KIAA0825: variants seen among roughly 807,000 people sequenced by gnomAD.
KIAA0825 encodes KIAA0825.
Under a neutral mutation model 147.6 loss-of-function variants are expected in KIAA0825, and 119 were observed. The ratio of observed to expected loss-of-function variants is 0.81; its 90% CI spans 0.69 to 0.94. The LOEUF is 0.94. Among genes scored for constraint, KIAA0825 ranks in the 40% least tolerant of loss-of-function variants. The probability of loss-of-function intolerance (pLI) is 0.00; values close to 1 mark genes in which losing one functional copy is unlikely to be tolerated. For missense variants in KIAA0825, 1,381 were observed against 1,472.7 expected, an observed-to-expected ratio of 0.94 and a Z score of 1.02; for synonymous variants, 470 against 518.1, an observed-to-expected ratio of 0.91 and a Z score of 1.26.
At chr5:94,303,621 A>G (rs142524074) in intron 20 of KIAA0825, among the ~76,000 whole-genome samples, 35 of 152,262 alleles carry the variant, frequency 2.3e-4, no homozygotes, top group African/African-American at 8.2e-4. Context: ...CCTGTAAAGT[A>G]GAAGGTTCAA....
intron 20 of KIAA0825, among the ~76,000 whole-genome samples, chr5:94,177,827 T>G (rs1006603465): frequency 7.9e-5 from 12 of 152,128 alleles, no homozygotes. Context: ...ATTTTTGAGT[T>G]CCTACTATGA....
chr5:94,341,393 C>T (rs1782361218), intron 20 of KIAA0825, among the ~76,000 whole-genome samples: 1 of 152,186 alleles, frequency 6.6e-6, no homozygotes, highest in African/African-American at 2.4e-5. Flanking sequence ...AAATTAGCTA[C>T]CCAGCATCAT....
At chr5:94,308,548 G>A (rs1778890233) in intron 20 of KIAA0825, among the ~76,000 whole-genome samples, 1 of 151,732 alleles carries the variant, frequency 6.6e-6, no homozygotes, top group Non-Finnish European at 1.5e-5. Flanking sequence ...ATAAATTCAA[G>A]GGACTCTATA....
At chr5:94,383,735 A>C (rs1264511582) in intron 20 of KIAA0825, among the ~76,000 whole-genome samples, 2 of 151,852 alleles carry the variant, frequency 1.3e-5, no homozygotes, top group East Asian at 3.9e-4. Flanking sequence ...AATAAATTAC[A>C]TGTTGTTTCC....
At chr5:94,571,822 T>C (rs1780017082) in intron 2 of KIAA0825, among the ~76,000 whole-genome samples, 2 of 152,218 alleles carry the variant, frequency 1.3e-5, no homozygotes, top group Admixed American at 1.3e-4. Flanking sequence ...ATATTTTGTT[T>C]TGTTATCACT....
intron 20 of KIAA0825, among the ~76,000 whole-genome samples, chr5:94,162,668 G>A (rs1432328272): frequency 1.3e-5 from 2 of 152,162 alleles, no homozygotes; most frequent in Non-Finnish European, 2.9e-5. Context: ...GCAGATAGAT[G>A]TCATGTTATT....
At chr5:94,602,940 C>T (rs1174761555) in intron 1 of KIAA0825, among the ~76,000 whole-genome samples, 1 of 151,804 alleles carries the variant, frequency 6.6e-6, no homozygotes, top group African/African-American at 2.4e-5. Context: ...GTGATTCTCC[C>T]ACCTCAGCCT....
rs536796926 is a variant in KIAA0825, at chr5:94,262,002, T to TA, written c.3711-107879dup. 5.4e-3 allele frequency among the ~76,000 whole-genome samples: 821 copies of TA among 152,112 alleles called. 4 individuals are homozygous for TA. Among genetic ancestry groups the TA allele is most frequent in the South Asian group, 8.5e-3 (41 of 4,822 alleles). ...TAAATATGAGTATATAAATTTCTTT[T>TA]AAAAAAATCTCAGAAGAAAATACCC... On this transcript the variant is annotated intron_variant, in intron 20 of 20. Coordinates refer to ENST00000682413, the MANE Select transcript of KIAA0825 (RefSeq NM_001145678.3).
At chr5:94,309,766 C>T (rs1444336016) in intron 20 of KIAA0825, among the ~76,000 whole-genome samples, 1 of 151,624 alleles carries the variant, frequency 6.6e-6, no homozygotes, top group Admixed American at 6.6e-5. Context: ...TCATCGGTTC[C>T]CTCCAATGAG....
chr5:94,274,526 C>T (rs1472188743), intron 20 of KIAA0825, among the ~76,000 whole-genome samples: 12 of 151,980 alleles, frequency 7.9e-5, no homozygotes, highest in Admixed American at 7.9e-4. Context: ...TGTACCTGTC[C>T]TTAAGGAGCT....
intron 13 of KIAA0825, among the ~76,000 whole-genome samples, chr5:94,446,926 A>G (rs1272653040): frequency 6.6e-6 from 1 of 152,136 alleles, no homozygotes; most frequent in East Asian, 1.9e-4. Context: ...AACTGGTACT[A>G]TGGAGAGTAG....
chr5:94,222,452 T>A (rs1773750207), intron 20 of KIAA0825, among the ~76,000 whole-genome samples: 1 of 152,178 alleles, frequency 6.6e-6, no homozygotes, highest in Admixed American at 6.5e-5. Context: ...TTGACTCCAT[T>A]TATTATTTTG....
chr5:94,506,209 C>A (rs1382045370), intron 5 of KIAA0825, among the ~76,000 whole-genome samples: 1 of 152,174 alleles, frequency 6.6e-6, no homozygotes, highest in Admixed American at 6.5e-5. Flanking sequence ...CGCATGAATG[C>A]CTTACATAGT....
At chr5:94,368,592 A>C (rs1746207829) in intron 20 of KIAA0825, among the ~76,000 whole-genome samples, 1 of 152,204 alleles carries the variant, frequency 6.6e-6, no homozygotes, top group Admixed American at 6.5e-5. Context: ...TGGAGGCATG[A>C]GCAGGAGAGG....
intron 14 of KIAA0825, among the ~76,000 whole-genome samples, chr5:94,426,401 G>A (rs565548960): frequency 6.6e-6 from 1 of 152,206 alleles, no homozygotes; most frequent in East Asian, 1.9e-4. Flanking sequence ...TCACGTCATT[G>A]GCTGCAACAT....
chr5:94,479,183 C>T (rs937871656), intron 6 of KIAA0825, among the ~76,000 whole-genome samples: 3 of 151,962 alleles, frequency 2.0e-5, no homozygotes, highest in African/African-American at 7.2e-5. Flanking sequence ...ATGTCATGTA[C>T]CCCCCATTAC....
At chr5:94,549,808 A>C (rs111440506) in intron 2 of KIAA0825, among the ~76,000 whole-genome samples, 142 of 152,322 alleles carry the variant, frequency 9.3e-4, no homozygotes, top group African/African-American at 3.3e-3. Flanking sequence ...TGCTTACATC[A>C]AAAAAGAACA....
chr5:94,397,836 T>C (rs976733785), intron 16 of KIAA0825, among the ~76,000 whole-genome samples: 6 of 152,180 alleles, frequency 3.9e-5, no homozygotes, highest in African/African-American at 1.4e-4. Context: ...TCCAGAGCTG[T>C]AGTCCTATAA....
At chr5:94,159,726 A>G (rs1183742238) in intron 20 of KIAA0825, among the ~76,000 whole-genome samples, 4 of 152,112 alleles carry the variant, frequency 2.6e-5, no homozygotes, top group Non-Finnish European at 2.9e-5. Flanking sequence ...TTGTTTTCCT[A>G]TAATCACTTT....
Sources: allele counts gnomAD v4.1 joint callset (sites outside exome capture counted in the v4.1 genomes callset), GRCh38; gene constraint gnomAD v4.1.1; transcripts MANE v1.5; gene names NCBI Gene and HGNC (gene_info 2026-07-23, HGNC 2026-07-21).